PGBD2: variants seen among roughly 807,000 people sequenced by gnomAD.
PGBD2 encodes the protein piggyBac transposable element derived 2.
In PGBD2, 6 loss-of-function variants were observed where a neutral mutation model predicts 8.1. That is an observed-to-expected ratio of 0.74 (90% CI 0.40 to 1.46). PGBD2 has a LOEUF of 1.46. PGBD2 is among the 40% of genes most tolerant of loss of function. The pLI is 0.02. For missense variants in PGBD2, 802 were observed against 739.0 expected (o/e 1.09, Z -0.99); for synonymous variants, 318 against 272.2 (o/e 1.17, Z -1.66).
At chr1:248,928,853 C>T in the PGBD2 span, among the ~76,000 whole-genome samples, 2 of 152,188 alleles carry the variant, frequency 1.3e-5, no homozygotes, top group Non-Finnish European at 2.9e-5. Context: ...CTCATGTTTT[C>T]TTCTGCCATA....
At chr1:248,907,079 TTCC>T (rs1572270118) in intron 1 of PGBD2, among the ~76,000 whole-genome samples, 1 of 151,926 alleles carries the variant, frequency 6.6e-6, no homozygotes, top group East Asian at 1.9e-4. Flanking sequence ...GGTCTCTGAG[TTCC>T]CTCAGTTTTT....
At chr1:248,898,195 C>A in the PGBD2 span, among the ~76,000 whole-genome samples, 2 of 152,334 alleles carry the variant, frequency 1.3e-5, no homozygotes, top group South Asian at 4.1e-4. Context: ...GACAGGGGTT[C>A]TCCCCAACAG....
chr1:248,927,573 C>G, the PGBD2 span, among the ~76,000 whole-genome samples: 1 of 152,148 alleles, frequency 6.6e-6, no homozygotes, highest in African/African-American at 2.4e-5. Flanking sequence ...ATGAAAGTAG[C>G]CAGAGACATT....
At chr1:248,876,079 G>A in the PGBD2 span, among the ~76,000 whole-genome samples, 1 of 151,300 alleles carries the variant, frequency 6.6e-6, no homozygotes, top group Non-Finnish European at 1.5e-5. Context: ...TGTGATCTTG[G>A]CTCACCGCAA....
In PGBD2 at chr1:248,917,517, C is replaced by G. The variant is rs199580054; in HGVS notation, c.933C>G (p.Pro311=). 186 of 1,614,124 alleles carry G rather than the reference C, an allele frequency of 1.2e-4. 1 individual carries two copies. In the East Asian group the frequency reaches 4.1e-3, roughly 36 times the overall value. Residue 311 remains proline, a synonymous_variant, in exon 3 of 3, where the codon CCC becomes CCG. Transcript: ENST00000329291. ...GAGGCTACTTGGTGTGGTTTGAGCC[C>G]TCACAGGGCACACTGTTTACCAAGC... is the stretch of plus-strand genomic sequence containing the variant. ...TSRGYLVWFE[P]SQGTLFTKPD... is the part of the protein sequence containing the mutation.
chr1:248,917,118 A>G lies in PGBD2; in HGVS notation c.534A>G (p.Glu178=). ...KNVNLSLTAQ[E]LKCVLGILIL... is the part of the protein sequence containing the mutation. ...TCAATTTGAGTCTTACGGCTCAGGA[A>G]TTGAAGTGTGTTTTGGGCATTTTGA... Residue 178 remains glutamate (E), a synonymous_variant, in exon 3 of 3, where the codon GAA becomes GAG. Transcript: ENST00000329291. 1 of 1,614,096 alleles carries G rather than the reference A, an allele frequency of 6.2e-7. No individual in the cohort carries two copies. The highest frequency in any genetic ancestry group is 8.5e-7 in the Non-Finnish European group (1 of 1,180,010).
chr1:248,916,586 T>A lies in PGBD2; in HGVS notation c.18-16T>A, dbSNP rs1662104457. On this transcript the variant is annotated splice_polypyrimidine_tract_variant and intron_variant, in intron 2 of 2. Coordinates refer to ENST00000329291, the MANE Select transcript of PGBD2 (RefSeq NM_170725.3). ...CTGGCATGGCCTCTTCCTGATTCTG[T>A]TTCCTGTCATAACAGAGATGTCATT... 1 of 1,610,864 alleles carries A rather than the reference T, an allele frequency of 6.2e-7. No homozygotes were observed. The highest frequency in any genetic ancestry group is 1.1e-5 in the South Asian group (1 of 90,918).
chr1:248,883,109 T>G, the PGBD2 span, among the ~76,000 whole-genome samples: 1 of 152,102 alleles, frequency 6.6e-6, no homozygotes, highest in Admixed American at 6.5e-5. Context: ...TTTAAAGAAT[T>G]TCTTTGTTTG....
rs76310774 is a variant in PGBD2, at chr1:248,907,918, C to G, written c.-48+1576C>G. Among the ~76,000 whole-genome samples the G allele has an allele frequency of 4.1e-3, 620 of 152,284 alleles. 8 individuals are homozygous for G. The highest frequency in any genetic ancestry group is 0.014 in the African/African-American group (595 of 41,554). On this transcript the variant is annotated intron_variant, in intron 1 of 2. Transcript: ENST00000329291. ...CTTTCTTTTCCCTACAGTTAGGCACCTGGCTCAGCTTTGGGGCATTTACAT... is the reference window on the plus strand; with the variant it reads ...CTTTCTTTTCCCTACAGTTAGGCACGTGGCTCAGCTTTGGGGCATTTACAT...
At chr1:248,874,091 T>C in the PGBD2 span, among the ~76,000 whole-genome samples, 1 of 152,216 alleles carries the variant, frequency 6.6e-6, no homozygotes, top group Non-Finnish European at 1.5e-5. Context: ...CGGTTTTCCC[T>C]GTCTGCCGCA....
intron 1 of PGBD2, among the ~76,000 whole-genome samples, chr1:248,911,180 G>C (rs1661857447): frequency 1.3e-5 from 2 of 151,618 alleles, no homozygotes; most frequent in East Asian, 3.9e-4. Context: ...GATTTGGCAG[G>C]GTCATAGGAT....
intron 1 of PGBD2, among the ~76,000 whole-genome samples, chr1:248,911,596 C>G (rs1661880499): frequency 1.4e-5 from 2 of 145,690 alleles, no homozygotes; most frequent in African/African-American, 5.6e-5. Context: ...ACAAAGCCGC[C>G]ATTGTCATCC....
chr1:248,928,980 A>T, the PGBD2 span, among the ~76,000 whole-genome samples: 2 of 152,216 alleles, frequency 1.3e-5, no homozygotes, highest in African/African-American at 4.8e-5. Flanking sequence ...ATCAGTTCTA[A>T]CCTTCAAAAA....
At chr1:248,883,584 CTTTTTTTTTTTTTT>C in the PGBD2 span, among the ~76,000 whole-genome samples, 1 of 89,164 alleles carries the variant, frequency 1.1e-5, no homozygotes, top group Non-Finnish European at 2.1e-5. Flanking sequence ...TTTTTTTTTT[CTTTTTTTTTTTTTT>C]TTTTTTTGAG....
chr1:248,910,256 C>G (rs1398101693), intron 1 of PGBD2, among the ~76,000 whole-genome samples: 1 of 152,232 alleles, frequency 6.6e-6, no homozygotes, highest in Non-Finnish European at 1.5e-5. Context: ...AGCCTCAGGT[C>G]AGTCCAGGTT....
the PGBD2 span, among the ~76,000 whole-genome samples, chr1:248,889,440 C>T: frequency 6.6e-6 from 1 of 152,076 alleles, no homozygotes; most frequent in South Asian, 2.1e-4. Context: ...GGACACTGTA[C>T]TAAATGTTTT....
At chr1:248,921,334 G>T (rs1386655003), downstream of PGBD2, among the ~76,000 whole-genome samples, 1 of 152,118 alleles carries the variant, frequency 6.6e-6, no homozygotes, top group Non-Finnish European at 1.5e-5. Flanking sequence ...GTAAGGAAGG[G>T]GTCCAGTTTC....
intron 1 of PGBD2, among the ~76,000 whole-genome samples, chr1:248,907,239 A>G (rs1450700748): frequency 6.6e-6 from 1 of 152,260 alleles, no homozygotes; most frequent in African/African-American, 2.4e-5. Context: ...CGTAGGCCAC[A>G]TTTATGTTTC....
At chr1:248,895,240 C>T in the PGBD2 span, among the ~76,000 whole-genome samples, 22 of 152,238 alleles carry the variant, frequency 1.4e-4, 1 homozygote, top group East Asian at 3.5e-3. Flanking sequence ...GTGACTGTGG[C>T]CACAGTCTGG....
Sources: gnomAD v4.1 joint callset for allele counts (sites outside exome capture counted in the v4.1 genomes callset) on GRCh38, gnomAD v4.1.1 for gene constraint, MANE v1.5 for transcripts, NCBI Gene and HGNC (gene_info 2026-07-23, HGNC 2026-07-21) for gene names.